Variants in DDX21 observed in about 807,000 individuals in gnomAD.
The protein encoded by DDX21 is nucleolar RNA helicase 2.
In DDX21, 18 loss-of-function variants were observed where a neutral mutation model predicts 90.0. The ratio of observed to expected loss-of-function variants is 0.20; its 90% CI spans 0.14 to 0.30. The LOEUF (loss-of-function observed/expected upper bound fraction) is 0.30, where lower values mean the gene tolerates loss of function less well. Ranked by LOEUF, DDX21 falls within the 10% of genes least tolerant of loss-of-function variation. The probability of loss-of-function intolerance (pLI) is 1.00; values close to 1 mark genes in which losing one functional copy is unlikely to be tolerated. For missense variants in DDX21, 673 were observed against 944.5 expected, an observed-to-expected ratio of 0.71 and a Z score of 3.77; for synonymous variants, 294 against 318.0, an observed-to-expected ratio of 0.92 and a Z score of 0.80.
intron 1 of DDX21, chr10:68,956,531 C>T: frequency 7.1e-7 from 1 of 1,406,498 alleles, no homozygotes; most frequent in Non-Finnish European, 9.3e-7. Context: ...CGTGCGCTGA[C>T]CTCTTCCTCT....
intron 10 of DDX21, 41 bp downstream of exon 10, chr10:68,973,705 C>T (rs1284964971): frequency 1.3e-6 from 2 of 1,590,126 alleles, no homozygotes; most frequent in Admixed American, 1.8e-5. Context: ...ATGTTGAGTT[C>T]TAAAGTCAGT....
At chr10:68,959,664 A>G (rs1842847197) in intron 1 of DDX21, 142 bp from the exon 2 acceptor site, 1 of 640,922 alleles carries the variant, frequency 1.6e-6, no homozygotes, top group African/African-American at 1.9e-5. Context: ...TTATCACAGC[A>G]TGAAAGTACA....
chr10:68,976,275 A>G (rs1401341333), intron 11 of DDX21, among the ~76,000 whole-genome samples: 1 of 150,898 alleles, frequency 6.6e-6, no homozygotes, highest in Non-Finnish European at 1.5e-5. Context: ...GAAGGGAGGA[A>G]AGGAAGGATG....
Position 68,973,530 on chromosome 10 carries a change from A to G in DDX21, c.1549-15A>G, listed in dbSNP as rs750599522. On this transcript the variant is annotated splice_polypyrimidine_tract_variant and intron_variant, in intron 9 of 14. Coordinates refer to ENST00000354185, the MANE Select transcript of DDX21 (RefSeq NM_004728.4). ...TTTTTTGGTTTAGTGTTACTCATGT[A>G]TTTTACTTCAATAGGATGTAGAGTC... 2.5e-6 allele frequency: 4 copies of G among 1,613,820 alleles called. No individual in the cohort carries two copies. In the Admixed American group the frequency reaches 5.0e-5, roughly 20 times the overall value.
intron 5 of DDX21, 79 bp downstream of exon 5, chr10:68,965,573 C>A: frequency 9.5e-7 from 1 of 1,051,488 alleles, no homozygotes; most frequent in Non-Finnish European, 1.5e-6. Context: ...TTCACCTTGA[C>A]ATCTGGCTTC....
At chr10:68,958,517 A>AC (rs757387496) in intron 1 of DDX21, among the ~76,000 whole-genome samples, 2 of 151,614 alleles carry the variant, frequency 1.3e-5, no homozygotes, top group African/African-American at 2.4e-5. Flanking sequence ...GCTCACTGCA[A>AC]CCCCCGCCTC....
At chr10:68,956,440 G>T (rs1383682527) in intron 1 of DDX21, 128 bp downstream of exon 1, 1 of 1,493,446 alleles carries the variant, frequency 6.7e-7, no homozygotes, top group Non-Finnish European at 9.0e-7. Flanking sequence ...CACCGGGCGT[G>T]GGTCTTGGCG....
At chr10:68,966,509 C>T (rs914770461) in intron 5 of DDX21, among the ~76,000 whole-genome samples, 14 of 152,048 alleles carry the variant, frequency 9.2e-5, no homozygotes, top group African/African-American at 3.4e-4. Context: ...GTGGCGTGAT[C>T]TTGGCTCACT....
chr10:68,964,726 C>T (rs983487395), intron 4 of DDX21, among the ~76,000 whole-genome samples: 19 of 138,134 alleles, frequency 1.4e-4, no homozygotes, highest in African/African-American at 5.1e-4. Context: ...TGCGGTGGTG[C>T]AATCTTAACC....
chr10:68,973,199 GAAA>G (rs550091312), intron 9 of DDX21, among the ~76,000 whole-genome samples: 1 of 142,950 alleles, frequency 7.0e-6, no homozygotes, highest in Non-Finnish European at 1.5e-5. Context: ...TGTCTCAAAA[GAAA>G]AAAAAAAGAC....
At position 68,983,518 on chromosome 10, in the gene DDX21, C is replaced by T. The variant is rs985120659; in HGVS notation, c.*706C>T. On this transcript the variant is annotated 3_prime_UTR_variant, in exon 15 of 15. Coordinates refer to ENST00000354185, the MANE Select transcript of DDX21 (RefSeq NM_004728.4). The stretch of plus-strand genomic sequence containing the variant: ...TATAAAAGTACATTTTAATAGAAAG[C>T]CAGGGTTTTAAGGAATTTCACATGT... 5 of 151,708 alleles carry T rather than the reference C, an allele frequency of 3.3e-5. No individual in the cohort carries two copies. Among genetic ancestry groups the T allele is most frequent in the Admixed American group, 6.6e-5 (1 of 15,230 alleles). The allele number at this position is 151,708 out of a possible 1,614,324, so 9.4% of individuals were successfully genotyped here.
intron 13 of DDX21, 138 bp downstream of exon 13, chr10:68,979,114 T>A: frequency 2.4e-6 from 3 of 1,248,338 alleles, no homozygotes; most frequent in Non-Finnish European, 3.3e-6. Flanking sequence ...TCATCCGTGA[T>A]CCTCAGATGC....
chr10:68,964,745 G>T (rs150759409), intron 4 of DDX21, among the ~76,000 whole-genome samples: 1 of 140,562 alleles, frequency 7.1e-6, no homozygotes, highest in South Asian at 2.3e-4. Flanking sequence ...CCTCTGCCTC[G>T]CAGGTTTAAG....
intron 9 of DDX21, among the ~76,000 whole-genome samples, 168 bp downstream of exon 9, chr10:68,972,220 G>A (rs950839648): frequency 2.0e-5 from 3 of 152,180 alleles, no homozygotes; most frequent in African/African-American, 4.8e-5. Context: ...ACCCCCCTCA[G>A]AACTGACACT....
intron 7 of DDX21, 121 bp downstream of exon 7, chr10:68,969,242 G>T: frequency 1.0e-6 from 1 of 1,000,296 alleles, no homozygotes; most frequent in Non-Finnish European, 1.4e-6. Context: ...GAAAAGCCAA[G>T]GAAAAATATT....
intron 4 of DDX21, 129 bp downstream of exon 4, chr10:68,963,598 G>A: frequency 1.5e-6 from 1 of 677,928 alleles, no homozygotes; most frequent in Non-Finnish European, 2.3e-6. Flanking sequence ...GGATCTTTAT[G>A]TGAAAGTAAT....
Position 68,982,712 on chromosome 10 carries a change from G to A in DDX21, c.2252G>A (p.Ser751Asn), listed in dbSNP as rs759921841. 5.1e-5 allele frequency: 82 copies of A among 1,614,004 alleles called. No homozygotes were observed. The highest frequency in any genetic ancestry group is 6.5e-5 in the Non-Finnish European group (77 of 1,180,036). ...NRRFRGQREGSRGPRGQRSGG... is the reference protein window; with the variant it reads ...NRRFRGQREGNRGPRGQRSGG... Reference sequence around the variant, plus strand: ...AGATTCAGAGGACAGCGGGAAGGCAGTAGAGGCCCGAGAGGACAGCGATCA... The same window carrying A: ...AGATTCAGAGGACAGCGGGAAGGCAATAGAGGCCCGAGAGGACAGCGATCA... The change falls in exon 15 of 15, where the codon AGT becomes AAT. Residue 751 changes from serine (S) to asparagine (N), a missense_variant. By Grantham distance (46) the Ser-to-Asn change is conservative. Transcript: ENST00000354185.
chr10:68,970,485 CTTTTTTTTT>C (rs35874790), intron 8 of DDX21, 135 bp downstream of exon 8: 1 of 529,734 alleles, frequency 1.9e-6, no homozygotes, highest in Non-Finnish European at 2.9e-6. Flanking sequence ...GAGGAAGCTA[CTTTTTTTTT>C]TTTTTTTTTA....
intron 12 of DDX21, 62 bp from the exon 13 acceptor site, chr10:68,978,780 G>T: frequency 1.3e-6 from 2 of 1,552,952 alleles, no homozygotes; most frequent in Non-Finnish European, 8.7e-7. Flanking sequence ...ACAAAAGCAG[G>T]TATTTATCAA....
Sources: allele counts gnomAD v4.1 joint callset (sites outside exome capture counted in the v4.1 genomes callset), GRCh38; gene constraint gnomAD v4.1.1; transcripts MANE v1.5; gene names NCBI Gene and HGNC (gene_info 2026-07-23, HGNC 2026-07-21).